The following SCUBE2 variants were observed in gnomAD, a reference collection of about 807,000 sequenced individuals.
SCUBE2 encodes signal peptide, CUB and EGF-like domain-containing protein 2.
Under a neutral mutation model 125.9 loss-of-function variants are expected in SCUBE2, and 114 were observed. The observed-to-expected ratio is 0.91, with a 90% CI of 0.78 to 1.06. The LOEUF (loss-of-function observed/expected upper bound fraction) is 1.06. Ranked by LOEUF, SCUBE2 falls within the 50% of genes least tolerant of loss-of-function variation. The probability of loss-of-function intolerance (pLI) is 0.00; values close to 1 mark genes in which losing one functional copy is unlikely to be tolerated. For missense variants in SCUBE2, 1,255 were observed against 1,301.8 expected (o/e 0.96, Z 0.55); for synonymous variants, 459 against 492.9 (o/e 0.93, Z 0.91).
chr11:9,024,972 A>G (rs1432149533), intron 21 of SCUBE2, among the ~76,000 whole-genome samples: 2 of 152,242 alleles, frequency 1.3e-5, no homozygotes, highest in African/African-American at 4.8e-5. Flanking sequence ...TTTGTTGGCT[A>G]GGTGAACAAA....
chr11:9,032,100 A>G (rs1361752153), intron 17 of SCUBE2, among the ~76,000 whole-genome samples: 3 of 152,100 alleles, frequency 2.0e-5, no homozygotes, highest in African/African-American at 4.8e-5. Flanking sequence ...TATAATAACC[A>G]TTATTACTAA....
intron 4 of SCUBE2, 78 bp downstream of exon 4, chr11:9,074,402 GA>G: frequency 6.5e-7 from 1 of 1,538,666 alleles, no homozygotes; most frequent in Non-Finnish European, 8.9e-7. Flanking sequence ...TTCCCCTCTA[GA>G]GTCAGTGTGT....
chr11:9,054,701 G>GTGTATATATATATATATATATATATA (rs1303442592), intron 10 of SCUBE2, among the ~76,000 whole-genome samples: 1 of 51,062 alleles, frequency 2.0e-5, no homozygotes, highest in African/African-American at 9.7e-5. Flanking sequence ...AAGCACTAGT[G>GTGTATATATATATATATATATATATA]TATATATATA....
chr11:9,044,548 T>G (rs532388764), intron 16 of SCUBE2, among the ~76,000 whole-genome samples: 1 of 152,286 alleles, frequency 6.6e-6, no homozygotes, highest in African/African-American at 2.4e-5. Context: ...TTTAAAAAGA[T>G]ATATCTATTC....
intron 21 of SCUBE2, chr11:9,024,459 A>G: frequency 8.0e-7 from 1 of 1,244,934 alleles, no homozygotes; most frequent in Non-Finnish European, 1.1e-6. Context: ...CTTTTTAGGA[A>G]AGCCATAGAA....
intron 8 of SCUBE2, 77 bp from the exon 9 acceptor site, chr11:9,059,502 G>T: frequency 6.6e-7 from 1 of 1,521,646 alleles, no homozygotes; most frequent in Non-Finnish European, 9.0e-7. Context: ...GGGCCATTGT[G>T]TGTGTTCATT....
At chr11:9,030,966 C>A in intron 17 of SCUBE2, 41 bp from the exon 18 acceptor site, 1 of 1,576,200 alleles carries the variant, frequency 6.3e-7, no homozygotes, top group South Asian at 1.2e-5. Context: ...GGCCTCCAGG[C>A]AGACCCTTGC....
At chr11:9,040,551 C>T (rs11042159) in intron 16 of SCUBE2, among the ~76,000 whole-genome samples, 587 of 23,390 alleles carry the variant, frequency 0.025, 13 homozygotes, top group East Asian at 0.064. Context: ...GGGGAGGGTA[C>T]ACAGCATGGG....
At chr11:9,056,223 T>C (rs1859070005) in intron 9 of SCUBE2, among the ~76,000 whole-genome samples, 1 of 152,234 alleles carries the variant, frequency 6.6e-6, no homozygotes. Flanking sequence ...CCAAATGAGA[T>C]AACATACCTA....
intron 1 of SCUBE2, among the ~76,000 whole-genome samples, chr11:9,090,922 G>A (rs1862634339): frequency 6.6e-6 from 1 of 152,216 alleles, no homozygotes; most frequent in East Asian, 1.9e-4. Flanking sequence ...GATCGGAACA[G>A]GCGCTGTTCC....
intron 10 of SCUBE2, among the ~76,000 whole-genome samples, chr11:9,054,528 G>A (rs1858798427): frequency 6.6e-6 from 1 of 151,502 alleles, no homozygotes; most frequent in Admixed American, 6.6e-5. Flanking sequence ...CCATCAACCT[G>A]AGACTGAGTC....
At chr11:9,051,592 T>A (rs1237457614) in intron 13 of SCUBE2, among the ~76,000 whole-genome samples, 5 of 152,146 alleles carry the variant, frequency 3.3e-5, no homozygotes, top group Admixed American at 2.0e-4. Flanking sequence ...AACCATCCGG[T>A]AGGATCTGGA....
At chr11:9,041,292 C>G (rs1020777902) in intron 16 of SCUBE2, among the ~76,000 whole-genome samples, 16 of 152,136 alleles carry the variant, frequency 1.1e-4, no homozygotes, top group Non-Finnish European at 1.6e-4. Flanking sequence ...AAATGTTCAG[C>G]ATCTCTGGGA....
intron 5 of SCUBE2, among the ~76,000 whole-genome samples, chr11:9,068,703 G>A (rs1860495659): frequency 6.6e-6 from 1 of 152,220 alleles, no homozygotes; most frequent in South Asian, 2.1e-4. Flanking sequence ...CACTCCCTGT[G>A]TGACCTTGTT....
chr11:9,090,410 G>C (rs1213312696), intron 1 of SCUBE2: 1 of 153,340 alleles, frequency 6.5e-6, no homozygotes, highest in Non-Finnish European at 1.5e-5. Flanking sequence ...TGCAGCCCAG[G>C]ACAGTTTTGA....
At chr11:9,058,520 T>A (rs568071423) in intron 9 of SCUBE2, among the ~76,000 whole-genome samples, 32 of 134,142 alleles carry the variant, frequency 2.4e-4, no homozygotes, top group African/African-American at 8.4e-4. Flanking sequence ...CGCTTGAACC[T>A]GGGAGGCGGA....
rs1566166640 is a variant in SCUBE2 at position 9,029,969 on chromosome 11, AGGCT to A, written c.2414_2417del (p.Gln805LeufsTer25). ...AAACACAATTATTTTTTCCAAATTC[AGGCT>A]GGTATGTTCCCACTGGGCAACGAAT... On this transcript the variant is annotated frameshift_variant, in exon 19 of 23. Transcript: ENST00000649792. LOFTEE classifies it high-confidence loss of function. 1.2e-6 allele frequency: 2 copies of A among 1,614,218 alleles called. No individual in the cohort carries two copies.
At chr11:9,038,116 G>A (rs1856891136) in intron 16 of SCUBE2, among the ~76,000 whole-genome samples, 1 of 10,760 alleles carries the variant, frequency 9.3e-5, no homozygotes, top group African/African-American at 1.0e-4. Context: ...TGGAGACACA[G>A]CAGAGAAGAG....
Position 9,025,945 on chromosome 11 carries a change from T to C in SCUBE2, c.2702-91A>G, listed in dbSNP as rs1045246143. On this transcript the variant is annotated intron_variant, in intron 20 of 22. Transcript: ENST00000649792. ...CTCATCTTTCTAAACACTCAAACCA[T>C]ACAATAAGTTATGCTCAAAAGCTCT... 4.3e-5 allele frequency: 57 copies of C among 1,319,698 alleles called. 1 individual carries two copies. The Admixed American group carries it at 1.2e-3, about 29-fold the overall frequency. 81.7% of individuals were successfully genotyped at this position (1,319,698 alleles called of 1,614,324 possible).
Sources: allele counts gnomAD v4.1 joint callset (sites outside exome capture counted in the v4.1 genomes callset), GRCh38; gene constraint gnomAD v4.1.1; transcripts MANE v1.5; gene names NCBI Gene and HGNC (gene_info 2026-07-23, HGNC 2026-07-21).